Variants in IL15 observed in about 807,000 individuals in gnomAD.
IL15 encodes the protein interleukin-15.
IL15 carries 11 observed loss-of-function variants against 19.6 expected under a neutral mutation model. The ratio of observed to expected loss-of-function variants is 0.56; its 90% CI spans 0.35 to 0.93. IL15 has a LOEUF of 0.93. Ranked by LOEUF, IL15 falls within the 40% of genes least tolerant of loss-of-function variation. IL15 has a pLI of 0.01. For synonymous variants in IL15, 58 were observed against 59.6 expected, an observed-to-expected ratio of 0.97 and a Z score of 0.12; for missense variants, 197 against 186.5, an observed-to-expected ratio of 1.06 and a Z score of -0.33.
chr4:141,707,143 C>T (rs190372924), intron 2 of IL15, among the ~76,000 whole-genome samples: 27 of 152,128 alleles, frequency 1.8e-4, no homozygotes, highest in South Asian at 8.3e-4. Flanking sequence ...TTATTTCAAA[C>T]GCCTGTTTTC....
intron 2 of IL15, among the ~76,000 whole-genome samples, chr4:141,681,705 T>C (rs1317382986): frequency 6.7e-6 from 1 of 148,808 alleles, no homozygotes; most frequent in Non-Finnish European, 1.5e-5. Flanking sequence ...TAAGAAAAAA[T>C]TTTTTCCCAA....
chr4:141,726,722 T>G (rs947024913), intron 5 of IL15, among the ~76,000 whole-genome samples: 3 of 152,090 alleles, frequency 2.0e-5, no homozygotes, highest in Non-Finnish European at 4.4e-5. Context: ...CTGTGATATA[T>G]CATGTCAGGG....
At chr4:141,684,780 T>C (rs1728655788) in intron 2 of IL15, among the ~76,000 whole-genome samples, 1 of 152,198 alleles carries the variant, frequency 6.6e-6, no homozygotes, top group Non-Finnish European at 1.5e-5. Context: ...ATTTTTTCAT[T>C]TATTCACAAT....
intron 2 of IL15, among the ~76,000 whole-genome samples, chr4:141,681,132 A>G (rs1418188153): frequency 6.6e-6 from 1 of 152,148 alleles, no homozygotes; most frequent in African/African-American, 2.4e-5. Context: ...AATTGAGTAC[A>G]GTCTGAGAGA....
chr4:141,715,677 A>G (rs1307367000), intron 2 of IL15: 2 of 152,198 alleles, frequency 1.3e-5, no homozygotes, highest in African/African-American at 4.8e-5. Flanking sequence ...GTTGTCTTAT[A>G]GTCTCTATAT....
chr4:141,693,016 CAAAAAAAAAAAAAAA>C (rs70949131), intron 2 of IL15, among the ~76,000 whole-genome samples: 1 of 23,232 alleles, frequency 4.3e-5, no homozygotes, highest in Non-Finnish European at 7.7e-5. Flanking sequence ...GACTCCGTCT[CAAAAAAAAAAAAAAA>C]AAAAAAAAAA....
chr4:141,697,093 A>G (rs889485426), intron 2 of IL15, among the ~76,000 whole-genome samples: 1 of 152,030 alleles, frequency 6.6e-6, no homozygotes, highest in Non-Finnish European at 1.5e-5. Context: ...GCCTAAGCCA[A>G]TGTCTAGAAG....
rs145201864 is a variant in IL15, at chr4:141,700,731, T to C, written c.-99-18635T>C. On this transcript the variant is annotated intron_variant, in intron 2 of 7. Transcript: ENST00000320650. The stretch of plus-strand genomic sequence containing the variant: ...CTCACATAAGTTTTTCAAACTTTTA[T>C]ACTTCTGTTCTCCATCCAGAGCACG... 2.4e-3 allele frequency among the ~76,000 whole-genome samples: 369 copies of C among 152,340 alleles called. 1 individual carries two copies. The highest frequency in any genetic ancestry group is 8.2e-3 in the African/African-American group (343 of 41,580).
chr4:141,688,136 C>T lies in IL15; in HGVS notation c.-99-31230C>T, dbSNP rs372877669. Among the ~76,000 whole-genome samples, 157 of 152,254 alleles carry T rather than the reference C, an allele frequency of 1.0e-3. 1 individual carries two copies. The highest frequency in any genetic ancestry group is 3.6e-3 in the African/African-American group (150 of 41,534). ...TACAAAGGCCCTGGTCTAGTGCACC[C>T]CCTGAAGGATCATCCTAGCTTCAGA... On this transcript the variant is annotated intron_variant, in intron 2 of 7. Transcript: ENST00000320650.
At chr4:141,636,942 A>C (rs148179017) in intron 1 of IL15, 194 bp downstream of exon 1, 43 of 152,514 alleles carry the variant, frequency 2.8e-4, no homozygotes, top group African/African-American at 9.4e-4. Flanking sequence ...TTTTTCCTTT[A>C]ATGACACTTC....
intron 2 of IL15, among the ~76,000 whole-genome samples, chr4:141,669,680 G>T (rs1728104811): frequency 6.6e-6 from 1 of 152,024 alleles, no homozygotes; most frequent in South Asian, 2.1e-4. Flanking sequence ...TATCCCAGGG[G>T]ACAGGGATTG....
At chr4:141,658,255 G>A (rs1194125932) in intron 2 of IL15, among the ~76,000 whole-genome samples, 1 of 152,112 alleles carries the variant, frequency 6.6e-6, no homozygotes, top group African/African-American at 2.4e-5. Context: ...CCATGATTTT[G>A]TTTCCTGAGG....
rs148324320 is a variant in IL15, at chr4:141,730,308, A to G, written c.378+324A>G. On this transcript the variant is annotated intron_variant, in intron 7 of 7. Transcript: ENST00000320650. ...AGTGGATAGACATTAATCTAATTAC[A>G]TACTCAAATGTCTAACATCAATAAT... is the stretch of plus-strand genomic sequence containing the variant. Among the ~76,000 whole-genome samples, 425 of 152,290 alleles carry G rather than the reference A, an allele frequency of 2.8e-3. 1 individual carries two copies. The highest frequency in any genetic ancestry group is 5.1e-3 in the Non-Finnish European group (349 of 68,006).
chr4:141,732,951 G>GT lies in IL15; in HGVS notation c.*108dup, dbSNP rs546296152. On this transcript the variant is annotated 3_prime_UTR_variant, in exon 8 of 8. Coordinates refer to ENST00000320650, the MANE Select transcript of IL15 (RefSeq NM_000585.5). Reference sequence around the variant, plus strand: ...CATTTCAAATGTGCTGTCAAAACAAGTTTTTCTGTCAAGAAGATGATCAGA... The same window carrying GT: ...CATTTCAAATGTGCTGTCAAAACAAGTTTTTTCTGTCAAGAAGATGATCAGA... The GT allele has an allele frequency of 9.0e-5, 132 of 1,474,474 alleles. No individual in the cohort carries two copies. In the African/African-American group the frequency reaches 1.4e-3, roughly 16 times the overall value. The allele number at this position is 1,474,474 out of a possible 1,614,324, so 91.3% of individuals were successfully genotyped here. A position where few individuals can be genotyped will look rare whatever the true frequency, so the allele number is the denominator to read the frequency against.
chr4:141,706,248 G>T (rs1428475676), intron 2 of IL15, among the ~76,000 whole-genome samples: 1 of 151,502 alleles, frequency 6.6e-6, no homozygotes, highest in African/African-American at 2.4e-5. Flanking sequence ...TTTCTTTGTG[G>T]TTATTATAAG....
intron 2 of IL15, among the ~76,000 whole-genome samples, chr4:141,713,833 T>G (rs1290831756): frequency 6.6e-6 from 1 of 152,120 alleles, no homozygotes; most frequent in African/African-American, 2.4e-5. Context: ...CCCTTACATA[T>G]AGTTTGAAAT....
intron 2 of IL15, among the ~76,000 whole-genome samples, chr4:141,709,551 G>A (rs534827294): frequency 3.7e-4 from 57 of 152,048 alleles, no homozygotes; most frequent in African/African-American, 8.9e-4. Flanking sequence ...ATTGGGAAAT[G>A]CTACAAAACA....
chr4:141,697,835 T>C (rs1729153419), intron 2 of IL15, among the ~76,000 whole-genome samples: 1 of 152,086 alleles, frequency 6.6e-6, no homozygotes. Flanking sequence ...TATTTCTTTC[T>C]CTTGTCTGAT....
Position 141,693,016 on chromosome 4 carries a change from C to CAAA in IL15, c.-99-26326_-99-26324dup, listed in dbSNP as rs70949131. Among the ~76,000 whole-genome samples, 227 of 23,234 alleles carry CAAA rather than the reference C, an allele frequency of 9.8e-3. 43 individuals are homozygous for CAAA. Among genetic ancestry groups the CAAA allele is most frequent in the Middle Eastern group, 0.033 (1 of 30 alleles). 15.2% of individuals were successfully genotyped at this position (23,234 alleles called of 152,430 possible). A position where few individuals can be genotyped will look rare whatever the true frequency, so the allele number is the denominator to read the frequency against. ...AGGGGAACAGAGCAAGACTCCGTCT[C>CAAA]AAAAAAAAAAAAAAAAAAAAAAAAA... On this transcript the variant is annotated intron_variant, in intron 2 of 7. Transcript: ENST00000320650.
Sources: allele counts gnomAD v4.1 joint callset (sites outside exome capture counted in the v4.1 genomes callset), GRCh38; gene constraint gnomAD v4.1.1; transcripts MANE v1.5; gene names NCBI Gene and HGNC (gene_info 2026-07-23, HGNC 2026-07-21).